PLEKHA3: variants seen among roughly 807,000 people sequenced by gnomAD.
The protein encoded by PLEKHA3 is pleckstrin homology domain containing A3.
PLEKHA3 carries 19 observed loss-of-function variants against 39.2 expected under a neutral mutation model. The ratio of observed to expected loss-of-function variants is 0.48; its 90% CI spans 0.34 to 0.71. The LOEUF is 0.71. PLEKHA3 is among the 30% of genes least tolerant of loss of function. PLEKHA3 has a pLI of 0.01. For missense variants in PLEKHA3, 253 were observed against 359.5 expected, an observed-to-expected ratio of 0.70 and a Z score of 2.40; for synonymous variants, 97 against 118.6, an observed-to-expected ratio of 0.82 and a Z score of 1.18.
At chr2:178,495,429 G>T in intron 4 of PLEKHA3, 67 bp from the exon 5 acceptor site, 1 of 1,412,714 alleles carries the variant, frequency 7.1e-7, no homozygotes. Context: ...ATTATTTAAT[G>T]ATAAGGTTGT....
At chr2:178,486,125 A>G (rs2154127585) in intron 2 of PLEKHA3, among the ~76,000 whole-genome samples, 1 of 152,298 alleles carries the variant, frequency 6.6e-6, no homozygotes, top group East Asian at 1.9e-4. Flanking sequence ...TCTAAAGATG[A>G]TGGGGCCAGC....
intron 1 of PLEKHA3, among the ~76,000 whole-genome samples, chr2:178,484,647 A>G (rs192492863): frequency 2.0e-5 from 3 of 152,368 alleles, no homozygotes; most frequent in Non-Finnish European, 4.4e-5. Flanking sequence ...CATTTTAGCC[A>G]TGAATATTTG....
chr2:178,515,141 T>C lies in PLEKHA3; in HGVS notation c.*11254T>C, dbSNP rs1345993344. ...ACTCCTGCAGGTATTTTTTTTTTTTTCTTTTGGGGGAGTGTGACGGCAGTG... is the reference window on the plus strand; with the variant it reads ...ACTCCTGCAGGTATTTTTTTTTTTTCCTTTTGGGGGAGTGTGACGGCAGTG... On this transcript the variant is annotated 3_prime_UTR_variant, in exon 8 of 8. Coordinates refer to ENST00000234453, the MANE Select transcript of PLEKHA3 (RefSeq NM_019091.4). 2 of 149,716 alleles carry C rather than the reference T, an allele frequency of 1.3e-5. No individual in the cohort carries two copies. Among genetic ancestry groups the C allele is most frequent in the East Asian group, 2.0e-4 (1 of 5,056 alleles). 9.3% of individuals were successfully genotyped at this position (149,716 alleles called of 1,614,324 possible).
chr2:178,488,211 T>A (rs1238589439), intron 2 of PLEKHA3, among the ~76,000 whole-genome samples: 1 of 152,250 alleles, frequency 6.6e-6, no homozygotes, highest in African/African-American at 2.4e-5. Flanking sequence ...CATGTTGATA[T>A]GTAGGAGTTC....
At chr2:178,481,014 C>A (rs928682650) in intron 1 of PLEKHA3, 105 bp downstream of exon 1, 60 of 1,062,852 alleles carry the variant, frequency 5.6e-5, no homozygotes, top group Non-Finnish European at 7.0e-5. Flanking sequence ...ACCCTCAGAG[C>A]GAATTCGCTC....
chr2:178,495,765 G>C, intron 5 of PLEKHA3, 105 bp downstream of exon 5: 1 of 1,220,852 alleles, frequency 8.2e-7, no homozygotes, highest in South Asian at 1.5e-5. Flanking sequence ...CAGTTGGGGG[G>C]CGGGGAACAG....
At chr2:178,484,637 C>T (rs746911145) in intron 1 of PLEKHA3, among the ~76,000 whole-genome samples, 3 of 152,170 alleles carry the variant, frequency 2.0e-5, no homozygotes, top group Non-Finnish European at 4.4e-5. Context: ...TTAAAATGTA[C>T]ATTTTAGCCA....
chr2:178,488,732 G>C (rs1685297294), intron 2 of PLEKHA3, among the ~76,000 whole-genome samples: 1 of 152,186 alleles, frequency 6.6e-6, no homozygotes, highest in Non-Finnish European at 1.5e-5. Context: ...ACAGATTTTA[G>C]AACTTGCTTA....
At chr2:178,501,006 T>G in intron 6 of PLEKHA3, 55 bp from the exon 7 acceptor site, 1 of 1,040,450 alleles carries the variant, frequency 9.6e-7, no homozygotes, top group Non-Finnish European at 1.5e-6. Flanking sequence ...TCCAGTTGAG[T>G]GTGTTTTTGT....
At chr2:178,487,141 G>A (rs1685262926) in intron 2 of PLEKHA3, among the ~76,000 whole-genome samples, 1 of 152,108 alleles carries the variant, frequency 6.6e-6, no homozygotes, top group East Asian at 1.9e-4. Flanking sequence ...AAAGGTAAGT[G>A]GGGGGATTCT....
At chr2:178,498,352 CTCAGAGCAACTAGTGGCTCATGT>C (rs1384004436) in intron 5 of PLEKHA3, among the ~76,000 whole-genome samples, 1 of 152,180 alleles carries the variant, frequency 6.6e-6, no homozygotes, top group East Asian at 1.9e-4. Context: ...ACTGGTATTT[CTCAGAGCAACTAGTGGCTCATGT>C]TCCAAATATA....
chr2:178,499,442 C>T lies in PLEKHA3; in HGVS notation c.659+188C>T, dbSNP rs562412804. ...TAAGGGCCTGGCCTCAGTAGGTAGTCAGTAAAGAAAAAAATGAATGAATTA... is the reference window on the plus strand; with the variant it reads ...TAAGGGCCTGGCCTCAGTAGGTAGTTAGTAAAGAAAAAAATGAATGAATTA... On this transcript the variant is annotated intron_variant, in intron 6 of 7. Coordinates refer to ENST00000234453, the MANE Select transcript of PLEKHA3 (RefSeq NM_019091.4). 2.0e-5 allele frequency among the ~76,000 whole-genome samples: 3 copies of T among 152,000 alleles called. No homozygotes were observed. In the East Asian group the frequency reaches 5.8e-4, roughly 29 times the overall value.
intron 1 of PLEKHA3, 30 bp downstream of exon 1, chr2:178,480,939 G>A (rs1685151055): frequency 1.5e-6 from 2 of 1,309,452 alleles, no homozygotes; most frequent in Non-Finnish European, 2.0e-6. Flanking sequence ...GAGGGAAGAG[G>A]GGAGAGGCGG....
chr2:178,484,090 A>G (rs1353608693), intron 1 of PLEKHA3, among the ~76,000 whole-genome samples: 1 of 152,148 alleles, frequency 6.6e-6, no homozygotes, highest in Non-Finnish European at 1.5e-5. Flanking sequence ...AAACCAAACA[A>G]AACAACAGCA....
At chr2:178,486,795 C>T (rs998632692) in intron 2 of PLEKHA3, among the ~76,000 whole-genome samples, 5 of 152,136 alleles carry the variant, frequency 3.3e-5, no homozygotes, top group East Asian at 1.9e-4. Context: ...GGGTTATTTC[C>T]GTTTTGGGAC....
chr2:178,492,138 TTAAG>T (rs1161816091), intron 3 of PLEKHA3, among the ~76,000 whole-genome samples: 2 of 152,204 alleles, frequency 1.3e-5, no homozygotes, highest in Non-Finnish European at 2.9e-5. Context: ...AAATTTTTTA[TTAAG>T]TATGTATTAC....
At chr2:178,491,006 C>CT (rs1166443655) in intron 3 of PLEKHA3, among the ~76,000 whole-genome samples, 192 bp downstream of exon 3, 1 of 137,340 alleles carries the variant, frequency 7.3e-6, no homozygotes, top group African/African-American at 2.8e-5. Context: ...TAAACTCTTT[C>CT]TTTCTTTTTT....
At chr2:178,484,639 T>C (rs762404512) in intron 1 of PLEKHA3, among the ~76,000 whole-genome samples, 7 of 152,192 alleles carry the variant, frequency 4.6e-5, no homozygotes, top group Admixed American at 1.3e-4. Context: ...AAAATGTACA[T>C]TTTAGCCATG....
Position 178,504,195 on chromosome 2 carries a change from G to C in PLEKHA3, c.*308G>C. On this transcript the variant is annotated 3_prime_UTR_variant, in exon 8 of 8. Coordinates refer to ENST00000234453, the MANE Select transcript of PLEKHA3 (RefSeq NM_019091.4). ...GATATTTTTCTTAAAAACTCTGAGG[G>C]GACTGACAGCATGGTCAGGGTGTAT... The C allele has an allele frequency of 4.8e-6, 1 of 208,166 alleles. No individual in the cohort carries two copies. The highest frequency in any genetic ancestry group is 9.0e-5 in the South Asian group (1 of 11,060). 12.9% of individuals were successfully genotyped at this position (208,166 alleles called of 1,614,324 possible).
Sources: gnomAD v4.1 joint callset for allele counts (sites outside exome capture counted in the v4.1 genomes callset) on GRCh38, gnomAD v4.1.1 for gene constraint, MANE v1.5 for transcripts, NCBI Gene and HGNC (gene_info 2026-07-23, HGNC 2026-07-21) for gene names.